Variants in TAF4B observed in about 807,000 individuals in gnomAD.
The protein encoded by TAF4B is transcription initiation factor TFIID subunit 4B.
Under a neutral mutation model 86.4 loss-of-function variants are expected in TAF4B, and 38 were observed. The ratio of observed to expected loss-of-function variants is 0.44; its 90% CI spans 0.34 to 0.58. TAF4B has a LOEUF of 0.58. Among genes scored for constraint, TAF4B ranks in the 20% least tolerant of loss-of-function variants. The pLI is 0.02. For synonymous variants in TAF4B, 388 were observed against 391.2 expected (o/e 0.99, Z 0.10); for missense variants, 988 against 1,027.6 (o/e 0.96, Z 0.53).
chr18:26,339,705 C>A (rs2057121706), intron 13 of TAF4B, among the ~76,000 whole-genome samples: 1 of 152,188 alleles, frequency 6.6e-6, no homozygotes, highest in African/African-American at 2.4e-5. Flanking sequence ...TTTAATGCAG[C>A]TGCAAACTTC....
intron 5 of TAF4B, among the ~76,000 whole-genome samples, chr18:26,280,986 CAT>C (rs749776647): frequency 1.3e-5 from 2 of 152,126 alleles, no homozygotes; most frequent in Non-Finnish European, 2.9e-5. Context: ...AGAACAAGAT[CAT>C]GTTTTTTGTA....
At position 26,286,185 on chromosome 18, in the gene TAF4B, G is replaced by A; in HGVS notation, c.1276G>A (p.Ala426Thr). Residue 426 changes from alanine (A) to threonine (T), a missense_variant, in exon 7 of 15, where the codon GCT becomes ACT. This residue lies in a region of TAF4B where 747 missense variants were observed against 737.9 expected (regional missense o/e 1.01). Coordinates refer to ENST00000269142, the MANE Select transcript of TAF4B (RefSeq NM_005640.3). ...GPTAATGGTT[A>T]GTGLLQTSKP... ...AACTGCTGCAACAGGAGGAACAACA[G>A]CTGGAACTGGTTTGCTTCAGACTTC... 1 of 1,614,228 alleles carries A rather than the reference G, an allele frequency of 6.2e-7. No homozygotes were observed. The highest frequency in any genetic ancestry group is 8.5e-7 in the Non-Finnish European group (1 of 1,180,034).
intron 6 of TAF4B, among the ~76,000 whole-genome samples, chr18:26,285,222 G>GTTTTTGTTTTTGTTTT: frequency 8.8e-5 from 4 of 45,660 alleles, no homozygotes; most frequent in African/African-American, 1.3e-4. Context: ...TTTTTTTTTT[G>GTTTTTGTTTTTGTTTT]TTTTTTTTTT....
At chr18:26,233,028 C>G (rs2055695487) in intron 1 of TAF4B, among the ~76,000 whole-genome samples, 1 of 152,090 alleles carries the variant, frequency 6.6e-6, no homozygotes, top group African/African-American at 2.4e-5. Context: ...CTTAGGAAGA[C>G]TAAGGTGCAG....
chr18:26,255,940 A>G, intron 1 of TAF4B: 1 of 1,298,376 alleles, frequency 7.7e-7, no homozygotes, highest in Non-Finnish European at 1.1e-6. Context: ...CCGTCATCTG[A>G]CTGGTTACTG....
intron 14 of TAF4B, among the ~76,000 whole-genome samples, chr18:26,372,558 G>C (rs78277687): frequency 1.3e-5 from 2 of 152,110 alleles, no homozygotes; most frequent in African/African-American, 4.8e-5. Flanking sequence ...CTACATCAGG[G>C]CTATATTAAG....
chr18:26,238,237 C>A (rs908343287), intron 1 of TAF4B, among the ~76,000 whole-genome samples: 3 of 152,120 alleles, frequency 2.0e-5, no homozygotes, highest in Admixed American at 6.6e-5. Context: ...GGTATTGGGA[C>A]CTTACTCTTG....
rs1568147834 is a variant in TAF4B at position 26,315,128 on chromosome 18, C to CTG, written c.1833-100_1833-99insGT. 121 of 332,734 alleles carry CTG rather than the reference C, an allele frequency of 3.6e-4. 1 individual carries two copies. The African/African-American group carries it at 4.3e-3, about 12-fold the overall frequency. 20.6% of individuals were successfully genotyped at this position (332,734 alleles called of 1,614,324 possible). A position where few individuals can be genotyped will look rare whatever the true frequency, so the allele number is the denominator to read the frequency against. On this transcript the variant is annotated intron_variant, in intron 9 of 14. Coordinates refer to ENST00000269142, the MANE Select transcript of TAF4B (RefSeq NM_005640.3). ...TCTCTCTCTCTCTCTCTCTCTCTCT[C>CTG]TCTCTCTCTCTCTCTCTGTCTCTCT... is the stretch of plus-strand genomic sequence containing the variant.
Position 26,390,151 on chromosome 18 carries a change from T to TA in TAF4B, c.*141dup. On this transcript the variant is annotated 3_prime_UTR_variant, in exon 15 of 15. Transcript: ENST00000269142. ...CATTGTTTACAGTTAGAAACTTTAT[T>TA]AACTCTTACCTATCCATCTCATGGG... The TA allele has an allele frequency of 1.2e-6, 1 of 848,520 alleles. No individual in the cohort carries two copies. Among genetic ancestry groups the TA allele is most frequent in the Non-Finnish European group, 1.8e-6 (1 of 558,454 alleles). The allele number at this position is 848,520 out of a possible 1,614,324, so 52.6% of individuals were successfully genotyped here.
chr18:26,320,680 A>G (rs559678300), intron 10 of TAF4B, among the ~76,000 whole-genome samples: 7 of 152,246 alleles, frequency 4.6e-5, no homozygotes, highest in Non-Finnish European at 1.0e-4. Context: ...AATTGTTAAC[A>G]GTGTCAAACA....
chr18:26,323,394 T>C (rs1163991102), intron 11 of TAF4B, among the ~76,000 whole-genome samples: 1 of 152,254 alleles, frequency 6.6e-6, no homozygotes, highest in African/African-American at 2.4e-5. Flanking sequence ...CAGGCTGGAG[T>C]GCAGTGGTGC....
At chr18:26,338,083 T>C (rs1261801134) in intron 13 of TAF4B, among the ~76,000 whole-genome samples, 1 of 152,218 alleles carries the variant, frequency 6.6e-6, no homozygotes, top group Non-Finnish European at 1.5e-5. Flanking sequence ...ATTTCTCATA[T>C]AAATATTAAA....
chr18:26,324,134 T>G (rs1227647596), intron 11 of TAF4B, among the ~76,000 whole-genome samples: 1 of 152,246 alleles, frequency 6.6e-6, no homozygotes, highest in Non-Finnish European at 1.5e-5. Flanking sequence ...TGGATTGTTA[T>G]CAGCTTACTT....
intron 9 of TAF4B, among the ~76,000 whole-genome samples, chr18:26,307,792 A>G (rs374888028): frequency 6.6e-6 from 1 of 152,124 alleles, no homozygotes; most frequent in Admixed American, 6.5e-5. Context: ...AACTTTCATC[A>G]TATATAATTC....
At chr18:26,306,061 G>T (rs182062553) in intron 9 of TAF4B, among the ~76,000 whole-genome samples, 26 of 152,322 alleles carry the variant, frequency 1.7e-4, no homozygotes, top group African/African-American at 6.3e-4. Flanking sequence ...TGAATTGCAA[G>T]GATCACGGTC....
chr18:26,360,276 CT>C, intron 14 of TAF4B, among the ~76,000 whole-genome samples: 1 of 152,248 alleles, frequency 6.6e-6, no homozygotes, highest in East Asian at 1.9e-4. Context: ...CATCTCATGA[CT>C]GAAAATGCAA....
intron 3 of TAF4B, among the ~76,000 whole-genome samples, chr18:26,271,604 G>T (rs1260836167): frequency 2.0e-5 from 3 of 152,150 alleles, no homozygotes; most frequent in Non-Finnish European, 4.4e-5. Flanking sequence ...GGTCTGTTGA[G>T]TCAAAGGCGG....
In TAF4B at chr18:26,227,276, G is replaced by A. The variant is rs2055592545; in HGVS notation, c.343G>A (p.Gly115Arg). ...TCCTGCTAATTTGCAGCTTCCTCCA[G>A]GTATGTTGATAACCCTTTCCAGCCT... ...QFPANLQLPP[G>R]TVLIKSNSGP... The change falls in exon 1 of 15, where the codon GGA becomes AGA. Residue 115 changes from glycine to arginine, a missense_variant and splice_region_variant. Gly to Arg is a moderately radical substitution (Grantham distance 125, BLOSUM62 -2). Around this residue, in one of 3 missense-constraint regions of TAF4B, gnomAD observed 747 missense variants for 737.9 expected, o/e 1.01. Transcript: ENST00000269142. The A allele has an allele frequency of 6.2e-7, 1 of 1,611,792 alleles. No individual in the cohort carries two copies. Among genetic ancestry groups the A allele is most frequent in the Non-Finnish European group, 8.5e-7 (1 of 1,179,090 alleles).
At chr18:26,231,675 T>G (rs1187475341) in intron 1 of TAF4B, among the ~76,000 whole-genome samples, 1 of 152,046 alleles carries the variant, frequency 6.6e-6, no homozygotes, top group Non-Finnish European at 1.5e-5. Flanking sequence ...TAAGTATTAG[T>G]GTGTCCAGAG....
Sources: gnomAD v4.1 joint callset for allele counts (sites outside exome capture counted in the v4.1 genomes callset) on GRCh38, gnomAD v4.1.1 for gene constraint, gnomAD v4.1.1 regional missense constraint, MANE v1.5 for transcripts, NCBI Gene and HGNC (gene_info 2026-07-23, HGNC 2026-07-21) for gene names.